ITGA4: variants seen among roughly 807,000 people sequenced by gnomAD.
The protein encoded by ITGA4 is integrin alpha-4.
Under a neutral mutation model 133.6 loss-of-function variants are expected in ITGA4, and 63 were observed. The observed-to-expected ratio is 0.47, with a 90% CI of 0.38 to 0.58. The LOEUF (loss-of-function observed/expected upper bound fraction) is 0.58, where lower values mean the gene tolerates loss of function less well. Among genes scored for constraint, ITGA4 ranks in the 20% least tolerant of loss-of-function variants. The probability of loss-of-function intolerance (pLI) is 0.00; values close to 1 mark genes in which losing one functional copy is unlikely to be tolerated. For synonymous variants in ITGA4, 483 were observed against 438.0 expected (o/e 1.10, Z -1.28); for missense variants, 1,076 against 1,252.7 (o/e 0.86, Z 2.13).
chr2:181,498,483 G>A (rs1335511314), intron 14 of ITGA4, 140 bp from the exon 15 acceptor site: 1 of 447,050 alleles, frequency 2.2e-6, no homozygotes, highest in Non-Finnish European at 3.9e-6. Context: ...TTTCAGGTTA[G>A]TCTTTAAAAA....
chr2:181,475,696 G>A, intron 4 of ITGA4: 1 of 1,288,580 alleles, frequency 7.8e-7, no homozygotes. Flanking sequence ...AGAATAATCA[G>A]TGTAAGCAAA....
At chr2:181,467,666 T>G (rs1351042893) in intron 2 of ITGA4, among the ~76,000 whole-genome samples, 5 of 152,196 alleles carry the variant, frequency 3.3e-5, no homozygotes, top group African/African-American at 4.8e-5. Context: ...TGGGCATATT[T>G]GCTATATTTT....
Position 181,461,332 on chromosome 2 carries a change from T to A in ITGA4, c.319+3015T>A, listed in dbSNP as rs550242561. Among the ~76,000 whole-genome samples the A allele has an allele frequency of 1.9e-3, 283 of 151,322 alleles. 3 individuals carry two copies. The highest frequency in any genetic ancestry group is 6.5e-3 in the African/African-American group (267 of 41,124). On this transcript the variant is annotated intron_variant, in intron 2 of 27. Transcript: ENST00000397033. ...GGTGCTTTTCTTCCTGCATATATAT[T>A]GTTGGCCTCCTTTTACCTCCCTGAC...
intron 4 of ITGA4, among the ~76,000 whole-genome samples, chr2:181,478,300 ATAAT>A (rs1219990544): frequency 6.6e-6 from 1 of 152,078 alleles, no homozygotes; most frequent in Non-Finnish European, 1.5e-5. Flanking sequence ...ACTGGAGTTA[ATAAT>A]TGTGCACTGG....
chr2:181,536,875 T>C lies in ITGA4; in HGVS notation c.*1348T>C, dbSNP rs199948574. 7.5e-5 allele frequency: 33 copies of C among 438,260 alleles called. No individual in the cohort carries two copies. Among genetic ancestry groups the C allele is most frequent in the Non-Finnish European group, 4.1e-5 (9 of 220,120 alleles). 27.1% of individuals were successfully genotyped at this position (438,260 alleles called of 1,614,324 possible). On this transcript the variant is annotated 3_prime_UTR_variant, in exon 28 of 28. Transcript: ENST00000397033. ...GAGCTGTGGCCGAATTTTGAACATC[T>C]GTTATAGGGAGTGATCAAATTAGAA...
intron 9 of ITGA4, among the ~76,000 whole-genome samples, chr2:181,483,351 G>A (rs1559043016): frequency 6.6e-6 from 1 of 152,006 alleles, no homozygotes; most frequent in Admixed American, 6.6e-5. Context: ...CAAAAAATTG[G>A]TGGAGTCTTA....
At position 181,535,506 on chromosome 2, in the gene ITGA4, C is replaced by T. The variant is rs61731209; in HGVS notation, c.3078C>T (p.Asn1026=). The T allele has an allele frequency of 0.012, 19,964 of 1,608,296 alleles. 154 individuals carry two copies. Among genetic ancestry groups the T allele is most frequent in the Middle Eastern group, 0.035 (208 of 6,022 alleles). ...ENRRDSWSYI[N]SKSNDD ...GAAGAGACAGTTGGAGTTATATCAA[C>T]AGTAAAAGCAATGATGATTAAGGAC... The change falls in exon 28 of 28, where the codon AAC becomes AAT. Residue 1026 remains asparagine, a synonymous_variant. Transcript: ENST00000397033.
In ITGA4 at chr2:181,526,723, G is replaced by A. The variant is rs1349908568; in HGVS notation, c.2340-574G>A. The stretch of plus-strand genomic sequence containing the variant: ...GAATCACTTAAGGGCTGAAAGAGAA[G>A]GAATGGTCAGTAGAATGAAAAAGGT... On this transcript the variant is annotated intron_variant, in intron 21 of 27. Coordinates refer to ENST00000397033, the MANE Select transcript of ITGA4 (RefSeq NM_000885.6). Among the ~76,000 whole-genome samples the A allele has an allele frequency of 4.0e-5, 6 of 149,234 alleles. No homozygotes were observed. In the South Asian group the frequency reaches 8.6e-4, roughly 21 times the overall value.
chr2:181,533,919 A>C (rs1448125629), intron 25 of ITGA4, among the ~76,000 whole-genome samples: 1 of 152,180 alleles, frequency 6.6e-6, no homozygotes, highest in Non-Finnish European at 1.5e-5. Flanking sequence ...TGAATTCTAT[A>C]ATGTATTTAA....
intron 2 of ITGA4, among the ~76,000 whole-genome samples, chr2:181,465,220 C>T (rs987315698): frequency 2.0e-5 from 3 of 152,090 alleles, no homozygotes; most frequent in African/African-American, 7.2e-5. Context: ...ATCATTTTGT[C>T]TGCCAGTCAT....
chr2:181,493,853 T>C (rs1290170034), intron 11 of ITGA4, among the ~76,000 whole-genome samples: 1 of 152,184 alleles, frequency 6.6e-6, no homozygotes, highest in Non-Finnish European at 1.5e-5. Flanking sequence ...AGTAAGATGA[T>C]AGCACTTTAA....
chr2:181,486,707 C>G (rs1225371133), intron 10 of ITGA4, among the ~76,000 whole-genome samples: 1 of 152,184 alleles, frequency 6.6e-6, no homozygotes, highest in African/African-American at 2.4e-5. Flanking sequence ...TTTTATCAAT[C>G]TAGTTCTAAG....
chr2:181,505,493 A>G (rs956470127), intron 15 of ITGA4, among the ~76,000 whole-genome samples: 1 of 152,056 alleles, frequency 6.6e-6, no homozygotes, highest in Non-Finnish European at 1.5e-5. Context: ...AAAATGTGGC[A>G]TGGAATCTTC....
chr2:181,537,691 G>T lies in ITGA4; in HGVS notation c.*2164G>T, dbSNP rs200689467. ...AGAATTATCTAGGTTAAATATTGAT[G>T]TATTATGATGGTTGCAAAGTTTTTT... On this transcript the variant is annotated 3_prime_UTR_variant, in exon 28 of 28. Coordinates refer to ENST00000397033, the MANE Select transcript of ITGA4 (RefSeq NM_000885.6). The T allele has an allele frequency of 1.9e-5, 8 of 425,596 alleles. No individual in the cohort carries two copies. In the Admixed American group the frequency reaches 2.1e-4, roughly 11 times the overall value. The allele number at this position is 425,596 out of a possible 1,614,324, so 26.4% of individuals were successfully genotyped here. A position where few individuals can be genotyped will look rare whatever the true frequency, so the allele number is the denominator to read the frequency against.
intron 17 of ITGA4, among the ~76,000 whole-genome samples, chr2:181,514,020 G>A (rs1003433776): frequency 6.6e-6 from 1 of 152,104 alleles, no homozygotes; most frequent in East Asian, 1.9e-4. Flanking sequence ...GGAGAGGTTT[G>A]CTGAGAATGG....
chr2:181,465,704 T>C (rs1361076964), intron 2 of ITGA4, among the ~76,000 whole-genome samples: 2 of 152,124 alleles, frequency 1.3e-5, no homozygotes, highest in Non-Finnish European at 2.9e-5. Flanking sequence ...TTCAGAATAG[T>C]ATAGGTTTAT....
In ITGA4 at chr2:181,488,793, T is replaced by C. The variant is rs548162344; in HGVS notation, c.1153+2801T>C. ...CAGGATGGTCTCTATCTCCTGACCT[T>C]GTGATCTGCCCGCCTTGGCCTCCAA... is the stretch of plus-strand genomic sequence containing the variant. On this transcript the variant is annotated intron_variant, in intron 10 of 27. Coordinates refer to ENST00000397033, the MANE Select transcript of ITGA4 (RefSeq NM_000885.6). Among the ~76,000 whole-genome samples the C allele has an allele frequency of 2.1e-4, 32 of 152,180 alleles. 1 individual carries two copies. The highest frequency in any genetic ancestry group is 8.3e-4 in the South Asian group (4 of 4,830).
intron 4 of ITGA4, among the ~76,000 whole-genome samples, chr2:181,477,273 C>CAT (rs1685698481): frequency 1.3e-5 from 2 of 151,922 alleles, no homozygotes; most frequent in Non-Finnish European, 2.9e-5. Context: ...TAGTGGAAAA[C>CAT]ATAAGAGAAA....
chr2:181,533,953 A>G (rs563859676), intron 25 of ITGA4, among the ~76,000 whole-genome samples: 1 of 152,314 alleles, frequency 6.6e-6, no homozygotes, highest in East Asian at 1.9e-4. Flanking sequence ...AAAAAGCCCA[A>G]ATAAGATAGA....
Sources: gnomAD v4.1 joint callset for allele counts (sites outside exome capture counted in the v4.1 genomes callset) on GRCh38, gnomAD v4.1.1 for gene constraint, MANE v1.5 for transcripts, NCBI Gene and HGNC (gene_info 2026-07-23, HGNC 2026-07-21) for gene names.